The following SUGCT variants were observed in gnomAD, a reference collection of about 807,000 sequenced individuals.
The protein encoded by SUGCT is succinyl-CoA:glutarate CoA-transferase.
In SUGCT, 41 loss-of-function variants were observed where a neutral mutation model predicts 55.0. The ratio of observed to expected loss-of-function variants is 0.74; its 90% CI spans 0.58 to 0.97. The LOEUF is 0.97. Ranked by LOEUF, SUGCT falls within the 50% of genes least tolerant of loss-of-function variation. SUGCT has a pLI of 0.00. For missense variants in SUGCT, 568 were observed against 547.8 expected, an observed-to-expected ratio of 1.04 and a Z score of -0.37; for synonymous variants, 187 against 200.4, an observed-to-expected ratio of 0.93 and a Z score of 0.56.
chr7:40,536,818 T>G (rs1794387586), intron 12 of SUGCT, among the ~76,000 whole-genome samples: 1 of 152,206 alleles, frequency 6.6e-6, no homozygotes, highest in South Asian at 2.1e-4. Flanking sequence ...GAAGGAGAGC[T>G]TCTTAAGCTC....
rs1246856527 is a variant in SUGCT at position 40,282,499 on chromosome 7, A to G, written c.720+7843A>G. Among the ~76,000 whole-genome samples, 6 of 150,004 alleles carry G rather than the reference A, an allele frequency of 4.0e-5. No homozygotes were observed. The East Asian group carries it at 1.2e-3, about 29-fold the overall frequency. On this transcript the variant is annotated intron_variant, in intron 8 of 13. Transcript: ENST00000335693. ...ACTGAAAAAACAAAAACAAAAACAA[A>G]CAAACAAACAAACAAACAAAAAAAC... is the stretch of plus-strand genomic sequence containing the variant.
chr7:40,741,776 C>T (rs1450797887), intron 12 of SUGCT, among the ~76,000 whole-genome samples: 1 of 152,134 alleles, frequency 6.6e-6, no homozygotes, highest in African/African-American at 2.4e-5. Flanking sequence ...CCTCATGCCT[C>T]AGAATGGGTG....
chr7:40,141,091 A>AT (rs1469746423), intron 1 of SUGCT, among the ~76,000 whole-genome samples: 4 of 150,196 alleles, frequency 2.7e-5, no homozygotes, highest in Non-Finnish European at 5.9e-5. Flanking sequence ...TAGGTGTTTT[A>AT]TTTTTTTGTA....
chr7:40,835,850 T>C (rs1792939619), intron 13 of SUGCT, among the ~76,000 whole-genome samples: 1 of 152,058 alleles, frequency 6.6e-6, no homozygotes, highest in Admixed American at 6.6e-5. Context: ...GTACTTTCCA[T>C]TTGGAGGAAA....
intron 12 of SUGCT, among the ~76,000 whole-genome samples, chr7:40,679,547 C>T (rs964486096): frequency 4.6e-5 from 7 of 152,128 alleles, no homozygotes; most frequent in Middle Eastern, 3.2e-3. Context: ...AAGTCAAGAG[C>T]CTCTATTTAT....
At chr7:40,190,143 A>T (rs1785800068) in intron 5 of SUGCT, among the ~76,000 whole-genome samples, 1 of 152,182 alleles carries the variant, frequency 6.6e-6, no homozygotes, top group Non-Finnish European at 1.5e-5. Flanking sequence ...TTTGCATGGG[A>T]TTTGAATCCT....
intron 1 of SUGCT, among the ~76,000 whole-genome samples, chr7:40,171,479 A>T (rs568218049): frequency 1.3e-5 from 2 of 152,186 alleles, no homozygotes; most frequent in African/African-American, 4.8e-5. Flanking sequence ...TTTGTATGGT[A>T]ATTAAGATTT....
intron 12 of SUGCT, among the ~76,000 whole-genome samples, chr7:40,570,389 G>A (rs1475631720): frequency 6.6e-6 from 1 of 152,200 alleles, no homozygotes; most frequent in Non-Finnish European, 1.5e-5. Flanking sequence ...GGAGTTCCCA[G>A]CAGGGAGAAC....
intron 8 of SUGCT, among the ~76,000 whole-genome samples, chr7:40,290,917 A>G (rs1385034078): frequency 2.0e-5 from 3 of 152,254 alleles, no homozygotes; most frequent in African/African-American, 7.2e-5. Flanking sequence ...GCTTGTCATT[A>G]CTGGCCATCA....
chr7:40,679,565 A>G (rs756733039), intron 12 of SUGCT, among the ~76,000 whole-genome samples: 16 of 152,334 alleles, frequency 1.1e-4, no homozygotes, highest in Non-Finnish European at 1.9e-4. Flanking sequence ...TATAATAAAT[A>G]GTACTCTAGA....
chr7:40,478,398 CTT>C (rs1270669403), intron 11 of SUGCT, among the ~76,000 whole-genome samples: 2 of 152,112 alleles, frequency 1.3e-5, no homozygotes, highest in African/African-American at 4.8e-5. Context: ...CTTCACGAAA[CTT>C]GCGCGAGGTA....
chr7:40,982,542 C>T, the SUGCT span, among the ~76,000 whole-genome samples: 41 of 152,062 alleles, frequency 2.7e-4, no homozygotes, highest in Non-Finnish European at 5.4e-4. Context: ...GCTAGGAAGT[C>T]CAAGAAGTGA....
intron 4 of SUGCT, 25 bp from the exon 5 acceptor site, chr7:40,189,519 T>TAC: frequency 1.2e-6 from 1 of 860,570 alleles, no homozygotes; most frequent in Non-Finnish European, 1.6e-6. Context: ...AAATAATATA[T>TAC]ATATATATAT....
chr7:40,453,134 T>A (rs1196965189), intron 10 of SUGCT, among the ~76,000 whole-genome samples: 1 of 152,104 alleles, frequency 6.6e-6, no homozygotes, highest in Admixed American at 6.5e-5. Context: ...GTGGAAATAG[T>A]TTGTTTTCCC....
intron 12 of SUGCT, among the ~76,000 whole-genome samples, chr7:40,634,568 C>A (rs962232446): frequency 6.6e-6 from 1 of 152,124 alleles, no homozygotes; most frequent in Non-Finnish European, 1.5e-5. Flanking sequence ...TCAAACTATC[C>A]ACTACAGGTA....
the SUGCT span, among the ~76,000 whole-genome samples, chr7:41,008,145 G>A: frequency 3.9e-5 from 6 of 152,378 alleles, no homozygotes; most frequent in Admixed American, 3.9e-4. Flanking sequence ...AGGGCTGGGG[G>A]ATGCACAGAA....
chr7:40,526,636 A>T (rs1248663873), intron 12 of SUGCT, among the ~76,000 whole-genome samples: 1 of 152,126 alleles, frequency 6.6e-6, no homozygotes, highest in African/African-American at 2.4e-5. Flanking sequence ...GGTTGGGGGA[A>T]AATTTTTGTT....
At chr7:40,452,888 A>G (rs1455099517) in intron 10 of SUGCT, among the ~76,000 whole-genome samples, 2 of 152,190 alleles carry the variant, frequency 1.3e-5, no homozygotes, top group Non-Finnish European at 2.9e-5. Context: ...TGAAGCATGT[A>G]TTAAAAGACT....
chr7:40,717,345 C>T (rs1209426652), intron 12 of SUGCT, among the ~76,000 whole-genome samples: 1 of 152,132 alleles, frequency 6.6e-6, no homozygotes, highest in Admixed American at 6.5e-5. Context: ...AAGAGAGAGC[C>T]CTGCTAGCAG....
Sources: gnomAD v4.1 joint callset for allele counts (sites outside exome capture counted in the v4.1 genomes callset) on GRCh38, gnomAD v4.1.1 for gene constraint, MANE v1.5 for transcripts, NCBI Gene and HGNC (gene_info 2026-07-23, HGNC 2026-07-21) for gene names.